LRRTM4: variants seen among roughly 807,000 people sequenced by gnomAD.
The protein encoded by LRRTM4 is leucine rich repeat transmembrane neuronal 4, also known as leucine-rich repeat transmembrane neuronal protein 4.
Under a neutral mutation model 47.6 loss-of-function variants are expected in LRRTM4, and 25 were observed. The ratio of observed to expected loss-of-function variants is 0.53; its 90% CI spans 0.38 to 0.73. The LOEUF (loss-of-function observed/expected upper bound fraction) is 0.73, where lower values mean the gene tolerates loss of function less well. LRRTM4 is among the 30% of genes least tolerant of loss of function. The probability of loss-of-function intolerance (pLI) is 0.00; values close to 1 mark genes in which losing one functional copy is unlikely to be tolerated. For missense variants in LRRTM4, 638 were observed against 713.4 expected (o/e 0.89, Z 1.20); for synonymous variants, 311 against 269.5 (o/e 1.15, Z -1.51).
chr2:77,164,525 C>G (rs1480047191), intron 3 of LRRTM4, among the ~76,000 whole-genome samples: 1 of 152,174 alleles, frequency 6.6e-6, no homozygotes, highest in East Asian at 1.9e-4. Context: ...AGCACCACAC[C>G]ACACTTATTC....
At chr2:76,946,096 T>C (rs1050892889) in intron 3 of LRRTM4, among the ~76,000 whole-genome samples, 4 of 152,004 alleles carry the variant, frequency 2.6e-5, no homozygotes, top group Admixed American at 6.6e-5. Context: ...TGGATAATAA[T>C]GCCTTAAAAG....
At chr2:77,174,043 A>G (rs894340412) in intron 3 of LRRTM4, among the ~76,000 whole-genome samples, 3 of 151,962 alleles carry the variant, frequency 2.0e-5, no homozygotes, top group Admixed American at 1.3e-4. Context: ...AAAAAGCAGG[A>G]GTTGTGCTGC....
intron 3 of LRRTM4, among the ~76,000 whole-genome samples, chr2:77,147,320 G>T (rs900558015): frequency 6.6e-6 from 1 of 152,172 alleles, no homozygotes; most frequent in African/African-American, 2.4e-5. Flanking sequence ...TGTATCAAAT[G>T]TAATGACTCA....
chr2:77,456,469 T>A (rs1194276391), intron 3 of LRRTM4, among the ~76,000 whole-genome samples: 1 of 152,176 alleles, frequency 6.6e-6, no homozygotes, highest in Non-Finnish European at 1.5e-5. Context: ...TGAAATAGTT[T>A]CTATTCCTTT....
chr2:76,883,933 C>T (rs970160109), intron 3 of LRRTM4, among the ~76,000 whole-genome samples: 4 of 151,908 alleles, frequency 2.6e-5, no homozygotes, highest in African/African-American at 9.7e-5. Context: ...ATACTCCTGC[C>T]TCAGCCTCCC....
At chr2:77,090,616 C>A (rs948933638) in intron 3 of LRRTM4, among the ~76,000 whole-genome samples, 2 of 152,172 alleles carry the variant, frequency 1.3e-5, no homozygotes, top group African/African-American at 2.4e-5. Flanking sequence ...AGTGGCCAGA[C>A]CTTCCTCCAG....
intron 3 of LRRTM4, among the ~76,000 whole-genome samples, chr2:76,794,067 T>G (rs1301493689): frequency 6.6e-6 from 1 of 152,146 alleles, no homozygotes; most frequent in Non-Finnish European, 1.5e-5. Context: ...AACTAAGAAT[T>G]GTAAAAGCGG....
At chr2:77,497,027 G>C (rs1434533022) in intron 3 of LRRTM4, among the ~76,000 whole-genome samples, 1 of 151,572 alleles carries the variant, frequency 6.6e-6, no homozygotes, top group East Asian at 1.9e-4. Flanking sequence ...AATTTTGATA[G>C]CTTATGTATC....
intron 3 of LRRTM4, among the ~76,000 whole-genome samples, chr2:77,441,532 G>A (rs758865725): frequency 3.3e-5 from 5 of 152,104 alleles, no homozygotes; most frequent in Non-Finnish European, 5.9e-5. Context: ...GAAAGTTGAT[G>A]AATCTCTTCC....
chr2:77,260,626 A>T (rs1330828394), intron 3 of LRRTM4, among the ~76,000 whole-genome samples: 1 of 152,074 alleles, frequency 6.6e-6, no homozygotes, highest in Non-Finnish European at 1.5e-5. Flanking sequence ...ATGTAGACTG[A>T]GTTTGCACCA....
intron 3 of LRRTM4, among the ~76,000 whole-genome samples, chr2:76,875,952 G>C (rs966420093): frequency 1.3e-5 from 2 of 152,124 alleles, no homozygotes; most frequent in African/African-American, 4.8e-5. Flanking sequence ...TACTGAGAGA[G>C]AGCATTTACT....
chr2:76,779,765 A>T (rs1674244242), intron 3 of LRRTM4, among the ~76,000 whole-genome samples: 1 of 152,212 alleles, frequency 6.6e-6, no homozygotes, highest in Non-Finnish European at 1.5e-5. Context: ...AGTTACATTT[A>T]AAGATAATAT....
rs1413442175 is a variant in LRRTM4, at chr2:77,049,125, T to TATATATATATAC, written c.1552-300210_1552-300209insGTATATATATAT. On this transcript the variant is annotated intron_variant, in intron 3 of 3. Coordinates refer to ENST00000409884, the MANE Select transcript of LRRTM4 (RefSeq NM_001134745.3). ...TGACTAAATAATATTTCATTTTTTATATATATATATATATATATATATATA... is the reference window on the plus strand; with the variant it reads ...TGACTAAATAATATTTCATTTTTTATATATATATATACATATATATATATATATATATATATA... Among the ~76,000 whole-genome samples, 44 of 72,528 alleles carry TATATATATATAC rather than the reference T, an allele frequency of 6.1e-4. 1 individual carries two copies. Among genetic ancestry groups the TATATATATATAC allele is most frequent in the African/African-American group, 2.5e-3 (41 of 16,472 alleles). 47.6% of individuals were successfully genotyped at this position (72,528 alleles called of 152,430 possible).
At chr2:76,977,021 G>T (rs115547427) in intron 3 of LRRTM4, among the ~76,000 whole-genome samples, 3 of 151,714 alleles carry the variant, frequency 2.0e-5, no homozygotes, top group Non-Finnish European at 2.9e-5. Flanking sequence ...GTGTGTGTTT[G>T]TGTGTGTTTA....
intron 3 of LRRTM4, among the ~76,000 whole-genome samples, chr2:76,788,506 A>G (rs1039758066): frequency 5.9e-5 from 9 of 152,202 alleles, no homozygotes; most frequent in East Asian, 5.8e-4. Context: ...AATGCTCTCT[A>G]TTTAACCTGT....
chr2:77,317,257 T>C (rs1440719140), intron 3 of LRRTM4, among the ~76,000 whole-genome samples: 2 of 152,198 alleles, frequency 1.3e-5, no homozygotes, highest in Non-Finnish European at 2.9e-5. Context: ...TTGCAGTTTT[T>C]TGCAATTTTA....
intron 3 of LRRTM4, among the ~76,000 whole-genome samples, chr2:77,136,102 AT>A (rs1292807679): frequency 6.6e-6 from 1 of 152,060 alleles, no homozygotes; most frequent in Non-Finnish European, 1.5e-5. Flanking sequence ...TGATTTCTGC[AT>A]TTCCAACTGA....
intron 3 of LRRTM4, among the ~76,000 whole-genome samples, chr2:76,862,509 A>T (rs1409078211): frequency 6.6e-6 from 1 of 152,202 alleles, no homozygotes; most frequent in Non-Finnish European, 1.5e-5. Flanking sequence ...TCTTGAAAAG[A>T]TCACCCTGAA....
chr2:76,835,754 AGGT>A (rs1487380438), intron 3 of LRRTM4, among the ~76,000 whole-genome samples: 1 of 152,066 alleles, frequency 6.6e-6, no homozygotes, highest in Non-Finnish European at 1.5e-5. Flanking sequence ...CACTTAAGGA[AGGT>A]TACCTCAGTG....
Sources: allele counts gnomAD v4.1 joint callset (sites outside exome capture counted in the v4.1 genomes callset), GRCh38; gene constraint gnomAD v4.1.1; transcripts MANE v1.5; gene names NCBI Gene and HGNC (gene_info 2026-07-23, HGNC 2026-07-21).